The following MPC2 variants were observed in gnomAD, a reference collection of about 807,000 sequenced individuals.
MPC2 encodes the protein mitochondrial pyruvate carrier 2, also known as brain protein 44.
Under a neutral mutation model 19.2 loss-of-function variants are expected in MPC2, and 19 were observed. The ratio of observed to expected loss-of-function variants is 0.99; its 90% CI spans 0.69 to 1.45. The LOEUF (loss-of-function observed/expected upper bound fraction) is 1.45, where lower values mean the gene tolerates loss of function less well. Among genes scored for constraint, MPC2 ranks in the 40% most tolerant of loss-of-function variants. The pLI is 0.00. For missense variants in MPC2, 122 were observed against 153.0 expected (o/e 0.80, Z 1.07); for synonymous variants, 61 against 54.3 (o/e 1.12, Z -0.54).
Position 167,920,093 on chromosome 1 carries a change from G to T in MPC2, c.236-3C>A, listed in dbSNP as rs1459152066. On this transcript the variant is annotated splice_region_variant and splice_polypyrimidine_tract_variant and intron_variant, in intron 4 of 5. Transcript: ENST00000271373. ...TGAGTATCTTGACCAAATAAACCCT[G>T]TTGAAACAAAATGTTACTTTAAAAA... The T allele has an allele frequency of 6.3e-7, 1 of 1,578,338 alleles. No homozygotes were observed. The highest frequency in any genetic ancestry group is 8.7e-7 in the Non-Finnish European group (1 of 1,152,822).
At position 167,920,069 on chromosome 1, in the gene MPC2, G is replaced by A; in HGVS notation, c.257C>T (p.Ser86Leu). ...MATGFIWSRY[S>L]LVIIPKNWSL... ...CCAATTTTTTGGAATAATTACAAGT[G>A]AGTATCTTGACCAAATAAACCCTGT... The change falls in exon 5 of 6, where the codon TCA becomes TTA. Residue 86 changes from serine (S) to leucine (L), a missense_variant. Ser to Leu is a moderately radical substitution (Grantham distance 145). Coordinates refer to ENST00000271373, the MANE Select transcript of MPC2 (RefSeq NM_001143674.4). 1 of 1,612,014 alleles carries A rather than the reference G, an allele frequency of 6.2e-7. No individual in the cohort carries two copies. The highest frequency in any genetic ancestry group is 8.5e-7 in the Non-Finnish European group (1 of 1,178,924).
chr1:167,927,822 G>A (rs1466795029), intron 2 of MPC2, among the ~76,000 whole-genome samples: 1 of 152,118 alleles, frequency 6.6e-6, no homozygotes, highest in African/African-American at 2.4e-5. Flanking sequence ...TCAAATTATG[G>A]TTGCTAGAAC....
chr1:167,931,800 TTA>T (rs1276107972), intron 2 of MPC2, among the ~76,000 whole-genome samples: 1 of 152,194 alleles, frequency 6.6e-6, no homozygotes, highest in African/African-American at 2.4e-5. Context: ...TATAAAATTT[TTA>T]TGATACAGAT....
intron 3 of MPC2, among the ~76,000 whole-genome samples, chr1:167,921,002 G>T (rs997615362): frequency 4.6e-5 from 7 of 151,950 alleles, no homozygotes; most frequent in Non-Finnish European, 8.8e-5. Flanking sequence ...CTAACCACTA[G>T]CATGGAAGAT....
At chr1:167,928,871 T>C (rs996857801) in intron 2 of MPC2, among the ~76,000 whole-genome samples, 31 of 152,344 alleles carry the variant, frequency 2.0e-4, no homozygotes, top group Non-Finnish European at 3.4e-4. Flanking sequence ...GAAAATATAC[T>C]GAAGAAAAAT....
rs1397078194 is a variant in MPC2, at chr1:167,925,534, G to GT, written c.110-998dup. Among the ~76,000 whole-genome samples, 315 of 77,512 alleles carry GT rather than the reference G, an allele frequency of 4.1e-3. 4 individuals are homozygous for GT. The highest frequency in any genetic ancestry group is 0.012 in the African/African-American group (253 of 21,254). 50.9% of individuals were successfully genotyped at this position (77,512 alleles called of 152,430 possible). A position where few individuals can be genotyped will look rare whatever the true frequency, so the allele number is the denominator to read the frequency against. On this transcript the variant is annotated intron_variant, in intron 2 of 5. Transcript: ENST00000271373. ...ATACAAACAACGTTTTTTTTTTTTG[G>GT]TTTTTTTTTTGGTTTTTTTTGTTTT...
chr1:167,918,494 C>T (rs1571503457), intron 5 of MPC2, 135 bp from the exon 6 acceptor site: 6 of 502,620 alleles, frequency 1.2e-5, no homozygotes, highest in Non-Finnish European at 1.0e-5. Flanking sequence ...AGAATCTTCC[C>T]GGAGGGCTTA....
chr1:167,936,741 C>G lies in MPC2; in HGVS notation c.-58+198G>C, dbSNP rs968212656. The stretch of plus-strand genomic sequence containing the variant: ...AGGCGAGCTCCGGCCCGGGTGCGGC[C>G]GGGCTTCAGGGGCCCAGGCGCCGCT... On this transcript the variant is annotated intron_variant, in intron 1 of 5. Transcript: ENST00000271373. The G allele has an allele frequency of 1.2e-5, 7 of 606,482 alleles. 1 individual carries two copies. In the Admixed American group the frequency reaches 1.5e-4, roughly 13 times the overall value. The allele number at this position is 606,482 out of a possible 1,614,324, so 37.6% of individuals were successfully genotyped here.
chr1:167,921,028 A>C (rs1176139223), intron 3 of MPC2, among the ~76,000 whole-genome samples: 2 of 152,122 alleles, frequency 1.3e-5, no homozygotes, highest in African/African-American at 2.4e-5. Flanking sequence ...AAAGCTGTTA[A>C]GGTCATTTGT....
chr1:167,930,565 T>C (rs1246829875), intron 2 of MPC2, among the ~76,000 whole-genome samples: 1 of 152,186 alleles, frequency 6.6e-6, no homozygotes, highest in African/African-American at 2.4e-5. Context: ...CCTAAGAGAA[T>C]ACCAAATTAT....
At chr1:167,924,464 T>C in intron 3 of MPC2, 33 bp downstream of exon 3, 1 of 1,579,990 alleles carries the variant, frequency 6.3e-7, no homozygotes, top group South Asian at 1.1e-5. Flanking sequence ...GGAATTTGTC[T>C]TTCAGTAGCT....
chr1:167,932,723 C>G (rs538413993), intron 2 of MPC2, among the ~76,000 whole-genome samples: 9 of 150,564 alleles, frequency 6.0e-5, no homozygotes, highest in Non-Finnish European at 1.2e-4. Context: ...GCAGGAGAAT[C>G]GCTTGAACCC....
intron 1 of MPC2, chr1:167,936,230 ACCTCCTCCTTCTCCCCATGC>A: frequency 4.3e-6 from 1 of 234,316 alleles, no homozygotes; most frequent in Non-Finnish European, 8.5e-6. Context: ...TCGAGCGGAA[ACCTCCTCCTTCTCCCCATGC>A]CCTCGAGGCC....
At chr1:167,935,629 G>T (rs1671108499) in intron 2 of MPC2, 104 bp downstream of exon 2, 5 of 872,426 alleles carry the variant, frequency 5.7e-6, no homozygotes, top group South Asian at 4.5e-5. Context: ...AGGGATTGGG[G>T]CTGTGGATGC....
chr1:167,924,668 T>G, intron 2 of MPC2, 131 bp from the exon 3 acceptor site: 1 of 605,862 alleles, frequency 1.7e-6, no homozygotes, highest in Non-Finnish European at 2.8e-6. Context: ...ACTATGCTTT[T>G]TGCATACTTT....
rs1162435885 is a variant in MPC2 at position 167,920,590 on chromosome 1, T to G, written c.192A>C (p.Ala64=). The G allele has an allele frequency of 1.2e-6, 2 of 1,613,944 alleles. No homozygotes were observed. The stretch of plus-strand genomic sequence containing the variant: ...CAGATTGAGCTGTGCTAAGTTTTTC[T>G]GCAGGTCTGGCCATATCAGCCAATC... The part of the protein sequence containing the change: ...CAGLADMARP[A]EKLSTAQSAV... The change falls in exon 4 of 6, where the codon GCA becomes GCC. Residue 64 remains alanine, a synonymous_variant. Coordinates refer to ENST00000271373, the MANE Select transcript of MPC2 (RefSeq NM_001143674.4).
chr1:167,923,088 T>A (rs1427984998), intron 3 of MPC2, among the ~76,000 whole-genome samples: 1 of 152,182 alleles, frequency 6.6e-6, no homozygotes, highest in Admixed American at 6.5e-5. Flanking sequence ...GTGGAGAAAT[T>A]AGAACACTTA....
intron 2 of MPC2, among the ~76,000 whole-genome samples, chr1:167,929,822 TGA>T (rs1670859355): frequency 6.6e-6 from 1 of 152,182 alleles, no homozygotes. Flanking sequence ...TATCCCTCTG[TGA>T]AAAATAAAGT....
At chr1:167,932,243 T>C (rs185499835) in intron 2 of MPC2, among the ~76,000 whole-genome samples, 30 of 152,288 alleles carry the variant, frequency 2.0e-4, no homozygotes, top group African/African-American at 7.0e-4. Flanking sequence ...AATTTGAGTA[T>C]ACATCCTGTT....
Sources: gnomAD v4.1 joint callset for allele counts (sites outside exome capture counted in the v4.1 genomes callset) on GRCh38, gnomAD v4.1.1 for gene constraint, MANE v1.5 for transcripts, NCBI Gene and HGNC (gene_info 2026-07-23, HGNC 2026-07-21) for gene names.